The following DUSP15 variants were observed in gnomAD, a reference collection of about 807,000 sequenced individuals.
The protein encoded by DUSP15 is dual specificity phosphatase 15, also known as dual specificity protein phosphatase 15.
A neutral mutation model predicts 26.3 loss-of-function variants in DUSP15; 23 were observed. The ratio of observed to expected loss-of-function variants is 0.87; its 90% CI spans 0.63 to 1.24. DUSP15 has a LOEUF of 1.24. DUSP15 is among the 50% of genes most tolerant of loss of function. The probability of loss-of-function intolerance (pLI) is 0.00; values close to 1 mark genes in which losing one functional copy is unlikely to be tolerated. For missense variants in DUSP15, 364 were observed against 320.6 expected, an observed-to-expected ratio of 1.14 and a Z score of -1.03; for synonymous variants, 143 against 135.5, an observed-to-expected ratio of 1.06 and a Z score of -0.39.
intron 1 of DUSP15, chr20:31,869,951 A>G: frequency 7.4e-7 from 1 of 1,354,244 alleles, no homozygotes; most frequent in Non-Finnish European, 9.5e-7. Context: ...AGGCAATGAC[A>G]GGCAGAGGCG....
intron 6 of DUSP15, among the ~76,000 whole-genome samples, chr20:31,851,782 T>TCAGCCACTTC (rs2062474321): frequency 6.6e-6 from 1 of 152,066 alleles, no homozygotes; most frequent in African/African-American, 2.4e-5. Context: ...GCAGGCAGGC[T>TCAGCCACTTC]CAGCCACTTC....
intron 4 of DUSP15, chr20:31,864,521 C>T (rs1209071129): frequency 1.4e-5 from 13 of 933,564 alleles, no homozygotes; most frequent in South Asian, 4.9e-5. Flanking sequence ...ATCTGATCTT[C>T]GAAAGCCTCC....
chr20:31,869,860 G>A (rs893127977), intron 1 of DUSP15: 3 of 1,409,070 alleles, frequency 2.1e-6, no homozygotes, highest in African/African-American at 1.4e-5. Flanking sequence ...GAGGAGGAAG[G>A]CAGGTCTTAG....
At chr20:31,857,619 G>A (rs546451154), downstream of DUSP15, among the ~76,000 whole-genome samples, 23 of 152,248 alleles carry the variant, frequency 1.5e-4, no homozygotes, top group African/African-American at 5.1e-4. Flanking sequence ...ATCTCTAAAT[G>A]CTTCATGTCT....
At chr20:31,849,248 T>C (rs892947746) in intron 8 of DUSP15, among the ~76,000 whole-genome samples, 10 of 151,998 alleles carry the variant, frequency 6.6e-5, no homozygotes, top group Admixed American at 5.2e-4. Context: ...GAAGCCCTAT[T>C]CTTATGCTGC....
rs751413836 is a variant in DUSP15 at position 31,848,425 on chromosome 20, A to G, written c.867T>C (p.Ala289=). 3.7e-6 allele frequency: 6 copies of G among 1,611,570 alleles called. No homozygotes were observed. In the South Asian group the frequency reaches 5.5e-5, roughly 15 times the overall value. ...GCCTTCAGCGGGTACAAGAAGAGGA[A>G]GCGGCTCGCTTAGGATGGAGGCAGC... Residue 289 remains alanine (A), a synonymous_variant, in exon 10 of 10, where the codon GCT becomes GCC. Coordinates refer to the DUSP15 transcript ENST00000278979.
intron 9 of DUSP15, chr20:31,848,711 C>CA (rs1192286793): frequency 7.4e-6 from 11 of 1,485,614 alleles, no homozygotes; most frequent in Non-Finnish European, 1.0e-5. Context: ...CTAGAAGTGT[C>CA]AGAGGCAGAG....
chr20:31,870,516 C>G lies in DUSP15; in HGVS notation c.-179G>C. On this transcript the variant is annotated 5_prime_UTR_variant, in exon 1 of 7. Coordinates refer to ENST00000339738, the MANE Select transcript of DUSP15 (RefSeq NM_080611.5). The surrounding 1 kb of genome is among the most constrained non-coding windows in gnomAD (Gnocchi z 6.6). Reference sequence around the variant, plus strand: ...CGCCACCGCCCGCCGACCCCCGGCCCGGGAGGGAAATGGTGGTGGAGCCGC... The same window carrying G: ...CGCCACCGCCCGCCGACCCCCGGCCGGGGAGGGAAATGGTGGTGGAGCCGC... The G allele has an allele frequency of 4.2e-6, 6 of 1,426,402 alleles. No individual in the cohort carries two copies. The South Asian group carries it at 5.9e-5, about 14-fold the overall frequency. The allele number at this position is 1,426,402 out of a possible 1,614,324, so 88.4% of individuals were successfully genotyped here.
At chr20:31,868,762 G>A (rs2062833701) in intron 2 of DUSP15, among the ~76,000 whole-genome samples, 2 of 152,180 alleles carry the variant, frequency 1.3e-5, no homozygotes, top group African/African-American at 4.8e-5. Flanking sequence ...TTAAAGGCGT[G>A]AGCCACTGCG....
At chr20:31,852,275 C>G (rs533134034) in intron 6 of DUSP15, among the ~76,000 whole-genome samples, 1 of 152,328 alleles carries the variant, frequency 6.6e-6, no homozygotes, top group East Asian at 1.9e-4. Context: ...TCCCAAACTG[C>G]TGGGATTACA....
At chr20:31,860,074 G>A (rs2062619801), downstream of DUSP15, among the ~76,000 whole-genome samples, 1 of 152,158 alleles carries the variant, frequency 6.6e-6, no homozygotes, top group Non-Finnish European at 1.5e-5. Context: ...TTTATTTGCT[G>A]TCTTCCCGAC....
intron 2 of DUSP15, among the ~76,000 whole-genome samples, chr20:31,867,629 ATGTT>A (rs1219526200): frequency 5.6e-5 from 6 of 107,812 alleles, no homozygotes; most frequent in Non-Finnish European, 8.7e-5. Context: ...GATGCCCACA[ATGTT>A]TTTTTTTTTT....
intron 2 of DUSP15, among the ~76,000 whole-genome samples, 181 bp from the exon 3 acceptor site, chr20:31,867,334 T>C (rs2062790185): frequency 6.6e-6 from 1 of 152,210 alleles, no homozygotes. Context: ...GTACAGCATA[T>C]CCCCATCCTT....
chr20:31,863,538 G>T, intron 5 of DUSP15: 1 of 215,132 alleles, frequency 4.6e-6, no homozygotes, highest in East Asian at 1.2e-4. Flanking sequence ...GTTCCCCACT[G>T]CCCTGCACCA....
In DUSP15 at chr20:31,863,999, AGG is replaced by A. The variant is rs559367471; in HGVS notation, c.189-20_189-19del. On this transcript the variant is annotated intron_variant, in intron 4 of 6. Coordinates refer to ENST00000339738, the MANE Select transcript of DUSP15 (RefSeq NM_080611.5). ...GCTTTTTGCTAGAGGAGAAAGCAAT[AGG>A]GTAGGGAGCACTGCAGGGCAGACCT... 1.5e-5 allele frequency: 24 copies of A among 1,613,198 alleles called. No individual in the cohort carries two copies. Among genetic ancestry groups the A allele is most frequent in the Non-Finnish European group, 2.0e-5 (23 of 1,179,260 alleles).
chr20:31,850,578 A>T (rs1446010963), intron 7 of DUSP15: 2 of 1,596,190 alleles, frequency 1.3e-6, no homozygotes, highest in Non-Finnish European at 8.5e-7. Context: ...AGTTCAGCAC[A>T]CTGGTCGGAG....
chr20:31,864,438 T>A (rs1324861148), intron 4 of DUSP15: 1 of 1,035,060 alleles, frequency 9.7e-7, no homozygotes, highest in East Asian at 9.1e-5. Context: ...CTACTGCTGA[T>A]GCCACAAACA....
chr20:31,861,244 T>C lies in DUSP15; in HGVS notation c.*159A>G. On this transcript the variant is annotated 3_prime_UTR_variant, in exon 7 of 7. Transcript: ENST00000339738. ...ACAGAGACGCACAGGTTGGGGACGC[T>C]GACTGCAGACGCGGACGAGCAGGGC... 7.3e-7 allele frequency: 1 copy of C among 1,361,004 alleles called. No homozygotes were observed. Among genetic ancestry groups the C allele is most frequent in the Non-Finnish European group, 9.4e-7 (1 of 1,063,784 alleles). The allele number at this position is 1,361,004 out of a possible 1,614,324, so 84.3% of individuals were successfully genotyped here.
At chr20:31,869,983 C>A in intron 1 of DUSP15, 1 of 1,340,202 alleles carries the variant, frequency 7.5e-7, no homozygotes, top group Non-Finnish European at 9.6e-7. Flanking sequence ...AGAAACAGCC[C>A]CGGAGAGAGC....
Sources: gnomAD v4.1 joint callset for allele counts (sites outside exome capture counted in the v4.1 genomes callset) on GRCh38, gnomAD v4.1.1 for gene constraint, Gnocchi (gnomAD v3.1) non-coding constraint, MANE v1.5 for transcripts, NCBI Gene and HGNC (gene_info 2026-07-23, HGNC 2026-07-21) for gene names.